PREX2: variants seen among roughly 807,000 people sequenced by gnomAD.
PREX2 encodes the protein phosphatidylinositol-3,4,5-trisphosphate dependent Rac exchange factor 2, also known as phosphatidylinositol 3,4,5-trisphosphate-dependent Rac exchanger 2 protein.
Under a neutral mutation model 203.2 loss-of-function variants are expected in PREX2, and 107 were observed. The ratio of observed to expected loss-of-function variants is 0.53; its 90% CI spans 0.45 to 0.62. The LOEUF (loss-of-function observed/expected upper bound fraction) is 0.62, where lower values mean the gene tolerates loss of function less well. PREX2 is among the 20% of genes least tolerant of loss of function. The pLI, the probability that PREX2 is intolerant of heterozygous loss-of-function variation, is 0.00. For missense variants in PREX2, 1,777 were observed against 1,955.9 expected, an observed-to-expected ratio of 0.91 and a Z score of 1.72; for synonymous variants, 672 against 663.6, an observed-to-expected ratio of 1.01 and a Z score of -0.19.
intron 7 of PREX2, among the ~76,000 whole-genome samples, chr8:68,042,407 A>G (rs532452750): frequency 3.8e-4 from 58 of 152,234 alleles, no homozygotes; most frequent in African/African-American, 1.4e-3. Context: ...AAATAGTATC[A>G]TAGCGTTTTT....
At chr8:68,200,775 C>G (rs1265369565) in intron 37 of PREX2, among the ~76,000 whole-genome samples, 1 of 151,976 alleles carries the variant, frequency 6.6e-6, no homozygotes, top group African/African-American at 2.4e-5. Context: ...GTTCTGACAT[C>G]TAGGAATCAG....
rs1813205186 is a variant in PREX2, at chr8:68,233,363, C to T, written c.*1985C>T. Reference sequence around the variant, plus strand: ...TAAAATGATTTCAGTTGTACTTTGCCATATTTCATGGGGCAAATTATCAGC... The same window carrying T: ...TAAAATGATTTCAGTTGTACTTTGCTATATTTCATGGGGCAAATTATCAGC... On this transcript the variant is annotated 3_prime_UTR_variant, in exon 40 of 40. Coordinates refer to ENST00000288368, the MANE Select transcript of PREX2 (RefSeq NM_024870.4). 1 of 152,062 alleles carries T rather than the reference C, an allele frequency of 6.6e-6. No homozygotes were observed. The highest frequency in any genetic ancestry group is 2.4e-5 in the African/African-American group (1 of 41,412). The allele number at this position is 152,062 out of a possible 1,614,324, so 9.4% of individuals were successfully genotyped here. A position where few individuals can be genotyped will look rare whatever the true frequency, so the allele number is the denominator to read the frequency against.
intron 1 of PREX2, among the ~76,000 whole-genome samples, chr8:67,984,438 TG>T (rs983418846): frequency 2.0e-4 from 30 of 152,234 alleles, no homozygotes; most frequent in African/African-American, 7.0e-4. Context: ...ATCCAGAGTA[TG>T]TTATCGCAGT....
intron 1 of PREX2, among the ~76,000 whole-genome samples, chr8:67,967,663 A>G (rs1307394403): frequency 1.3e-5 from 2 of 152,234 alleles, no homozygotes; most frequent in African/African-American, 4.8e-5. Context: ...TTGAATGTGC[A>G]GCAGGCTCTA....
At chr8:68,056,084 A>G in intron 10 of PREX2, 110 bp downstream of exon 10, 2 of 1,129,606 alleles carry the variant, frequency 1.8e-6, no homozygotes, top group East Asian at 2.4e-5. Context: ...GGCACTTTTG[A>G]AAACTTCTTT....
At chr8:68,025,751 C>G (rs1040366221) in intron 4 of PREX2, among the ~76,000 whole-genome samples, 2 of 152,030 alleles carry the variant, frequency 1.3e-5, no homozygotes, top group African/African-American at 4.8e-5. Context: ...AGGTGTGAGC[C>G]ACTGTGCCTG....
At chr8:68,106,324 T>C (rs1462648038) in intron 23 of PREX2, 3 of 514,960 alleles carry the variant, frequency 5.8e-6, no homozygotes, top group Non-Finnish European at 1.2e-5. Context: ...AAACTCTATG[T>C]CCCATATAAG....
At chr8:68,003,683 AC>A (rs1271201508) in intron 1 of PREX2, among the ~76,000 whole-genome samples, 1 of 152,182 alleles carries the variant, frequency 6.6e-6, no homozygotes, top group Non-Finnish European at 1.5e-5. Flanking sequence ...AAAAGTCAGT[AC>A]CATTAGCCGA....
intron 1 of PREX2, among the ~76,000 whole-genome samples, chr8:67,974,885 A>G (rs1326089274): frequency 6.6e-6 from 1 of 152,196 alleles, no homozygotes; most frequent in Admixed American, 6.5e-5. Flanking sequence ...AGTTAGTTGT[A>G]AGACCATGTA....
intron 25 of PREX2, 56 bp from the exon 26 acceptor site, chr8:68,115,697 G>GTT: frequency 7.9e-7 from 1 of 1,261,242 alleles, no homozygotes; most frequent in Non-Finnish European, 1.1e-6. Context: ...AAATAAGGTA[G>GTT]TTATATATAG....
chr8:67,982,278 C>G (rs1034703650), intron 1 of PREX2, among the ~76,000 whole-genome samples: 3 of 151,896 alleles, frequency 2.0e-5, no homozygotes, highest in Non-Finnish European at 4.4e-5. Context: ...TAAAAAAAAG[C>G]TGGTATAGTG....
At chr8:68,131,232 T>A (rs1200473181) in intron 31 of PREX2, among the ~76,000 whole-genome samples, 2 of 152,208 alleles carry the variant, frequency 1.3e-5, no homozygotes, top group Non-Finnish European at 2.9e-5. Context: ...AGGGGATAGG[T>A]CACAAGGTCC....
At chr8:68,143,055 C>A (rs1363408268) in intron 33 of PREX2, among the ~76,000 whole-genome samples, 2 of 152,088 alleles carry the variant, frequency 1.3e-5, no homozygotes, top group African/African-American at 2.4e-5. Flanking sequence ...ATAAGAGCAT[C>A]ATTTCATATG....
At position 68,233,144 on chromosome 8, in the gene PREX2, GT is replaced by G. The variant is rs1392862924; in HGVS notation, c.*1770del. The G allele has an allele frequency of 1.3e-5, 2 of 152,066 alleles. No individual in the cohort carries two copies. Among genetic ancestry groups the G allele is most frequent in the East Asian group, 3.9e-4 (2 of 5,190 alleles). The allele number at this position is 152,066 out of a possible 1,614,324, so 9.4% of individuals were successfully genotyped here. A position where few individuals can be genotyped will look rare whatever the true frequency, so the allele number is the denominator to read the frequency against. On this transcript the variant is annotated 3_prime_UTR_variant, in exon 40 of 40. Coordinates refer to ENST00000288368, the MANE Select transcript of PREX2 (RefSeq NM_024870.4). ...GAAAAACAAGGAACCTAACATCAGA[GT>G]TTTCAAGAAAAAGTTGAACATTTTG...
chr8:68,065,054 A>G (rs564717302), intron 11 of PREX2, among the ~76,000 whole-genome samples: 3 of 152,182 alleles, frequency 2.0e-5, no homozygotes, highest in East Asian at 1.9e-4. Flanking sequence ...TTATACACCC[A>G]TTTTCCATGC....
At chr8:68,188,538 A>T (rs1812234745) in intron 35 of PREX2, among the ~76,000 whole-genome samples, 1 of 152,204 alleles carries the variant, frequency 6.6e-6, no homozygotes, top group South Asian at 2.1e-4. Context: ...TAATAAAGAC[A>T]TACTTGAGAC....
chr8:68,075,555 T>C (rs1218166224), intron 14 of PREX2, among the ~76,000 whole-genome samples: 6 of 152,164 alleles, frequency 3.9e-5, no homozygotes, highest in Non-Finnish European at 1.5e-5. Flanking sequence ...ATCTGCCTCA[T>C]TGGGAATATG....
At chr8:68,173,355 G>C (rs1419427731) in intron 35 of PREX2, among the ~76,000 whole-genome samples, 1 of 152,140 alleles carries the variant, frequency 6.6e-6, no homozygotes, top group Non-Finnish European at 1.5e-5. Context: ...AATTTCACAT[G>C]AGGCAAGATC....
At chr8:68,049,978 T>C (rs1808475698) in intron 8 of PREX2, among the ~76,000 whole-genome samples, 1 of 152,034 alleles carries the variant, frequency 6.6e-6, no homozygotes, top group Admixed American at 6.6e-5. Context: ...TTTGGTAATT[T>C]TGATGCTATT....
Sources: allele counts gnomAD v4.1 joint callset (sites outside exome capture counted in the v4.1 genomes callset), GRCh38; gene constraint gnomAD v4.1.1; transcripts MANE v1.5; gene names NCBI Gene and HGNC (gene_info 2026-07-23, HGNC 2026-07-21).